The following DAB1 variants were observed in gnomAD, a reference collection of about 807,000 sequenced individuals.
The protein encoded by DAB1 is disabled homolog 1.
In DAB1, 15 loss-of-function variants were observed where a neutral mutation model predicts 64.6. The observed-to-expected ratio is 0.23, with a 90% CI of 0.16 to 0.36. The LOEUF is 0.36. Among genes scored for constraint, DAB1 ranks in the 10% least tolerant of loss-of-function variants. The probability of loss-of-function intolerance (pLI) is 1.00; values close to 1 mark genes in which losing one functional copy is unlikely to be tolerated. For missense variants in DAB1, 596 were observed against 706.7 expected, an observed-to-expected ratio of 0.84 and a Z score of 1.78; for synonymous variants, 235 against 251.9, an observed-to-expected ratio of 0.93 and a Z score of 0.64.
intron 9 of DAB1, among the ~76,000 whole-genome samples, chr1:57,043,729 C>T (rs896935610): frequency 9.9e-5 from 15 of 152,182 alleles, no homozygotes; most frequent in African/African-American, 3.1e-4. Context: ...TGCCTGTAGT[C>T]CCAGCTACTC....
At chr1:57,877,014 G>A (rs988394226) in intron 1 of DAB1, among the ~76,000 whole-genome samples, 4 of 151,982 alleles carry the variant, frequency 2.6e-5, no homozygotes, top group Admixed American at 2.0e-4. Context: ...TGGTGGGAAG[G>A]GTCTAGGTGT....
At chr1:57,753,734 A>G (rs1190281875) in intron 6 of DAB1, among the ~76,000 whole-genome samples, 3 of 152,302 alleles carry the variant, frequency 2.0e-5, no homozygotes, top group Middle Eastern at 3.4e-3. Flanking sequence ...AGAAGATATA[A>G]TTACTCTTCT....
intron 4 of DAB1, among the ~76,000 whole-genome samples, chr1:58,219,025 C>CTCTGTGTGTG (rs376130413): frequency 3.9e-4 from 51 of 129,470 alleles, no homozygotes; most frequent in African/African-American, 1.5e-3. Flanking sequence ...CTCTCTCTCT[C>CTCTGTGTGTG]TGTGTGTGTG....
Position 57,989,452 on chromosome 1 carries a change from A to G in DAB1, n.388-105290T>C, listed in dbSNP as rs562370088. 5.1e-4 allele frequency among the ~76,000 whole-genome samples: 78 copies of G among 152,308 alleles called. 1 individual carries two copies. In the South Asian group the frequency reaches 9.9e-3, roughly 19 times the overall value. ...CTCTGTCCTTGGCCACACAGTTTAA[A>G]GAATGAAGCCAGGACTACATGCCAA... On this transcript the variant is annotated intron_variant and non_coding_transcript_variant, in intron 5 of 20. Coordinates refer to the DAB1 transcript ENST00000485760.
intron 6 of DAB1, among the ~76,000 whole-genome samples, chr1:57,692,802 C>T (rs553388132): frequency 6.6e-6 from 1 of 152,176 alleles, no homozygotes; most frequent in Non-Finnish European, 1.5e-5. Context: ...AAGGAGGACT[C>T]TGCACCTTCT....
At chr1:57,760,987 T>TCATTTGG (rs1192112282) in intron 6 of DAB1, among the ~76,000 whole-genome samples, 1 of 152,112 alleles carries the variant, frequency 6.6e-6, no homozygotes, top group Non-Finnish European at 1.5e-5. Flanking sequence ...ATGACATGAG[T>TCATTTGG]ATAAGGAGGG....
chr1:58,221,445 A>C (rs1659166114), intron 4 of DAB1, among the ~76,000 whole-genome samples: 1 of 152,212 alleles, frequency 6.6e-6, no homozygotes, highest in South Asian at 2.1e-4. Flanking sequence ...GTCTGAAAGA[A>C]CAGTCACTGG....
Position 57,136,716 on chromosome 1 carries a change from C to A in DAB1, c.208-75G>T, listed in dbSNP as rs148832245. 564 of 902,186 alleles carry A rather than the reference C, an allele frequency of 6.3e-4. 2 individuals are homozygous for A. In the African/African-American group the frequency reaches 8.6e-3, roughly 14 times the overall value. The allele number at this position is 902,186 out of a possible 1,614,324, so 55.9% of individuals were successfully genotyped here. On this transcript the variant is annotated intron_variant, in intron 3 of 14. Coordinates refer to ENST00000371236, the MANE Select transcript of DAB1 (RefSeq NM_001365792.1). ...TTCTCTCTGGTCCCAAAGGTATGTC[C>A]GATACCATCAACCAATGCCACCAAT...
chr1:57,359,616 A>C (rs1163710205), intron 1 of DAB1, among the ~76,000 whole-genome samples: 1 of 152,024 alleles, frequency 6.6e-6, no homozygotes, highest in Non-Finnish European at 1.5e-5. Context: ...TGAAATCAGT[A>C]TGTTGAAGAG....
intron 6 of DAB1, among the ~76,000 whole-genome samples, chr1:57,686,673 C>T (rs921845074): frequency 6.6e-6 from 1 of 152,120 alleles, no homozygotes; most frequent in African/African-American, 2.4e-5. Flanking sequence ...TAGCAAACTG[C>T]ATCCAGCAGC....
intron 3 of DAB1, among the ~76,000 whole-genome samples, chr1:58,348,700 A>AT (rs1211797314): frequency 2.0e-5 from 3 of 152,136 alleles, no homozygotes; most frequent in Non-Finnish European, 4.4e-5. Flanking sequence ...TAATTATGTG[A>AT]TTTTATACTG....
chr1:57,116,501 G>A (rs1388124848), intron 4 of DAB1, among the ~76,000 whole-genome samples: 1 of 148,272 alleles, frequency 6.7e-6, no homozygotes, highest in Non-Finnish European at 1.5e-5. Context: ...AGCAGGTTGG[G>A]AGAAGCTATC....
At chr1:58,238,394 C>T (rs753615196) in intron 4 of DAB1, among the ~76,000 whole-genome samples, 1 of 152,118 alleles carries the variant, frequency 6.6e-6, no homozygotes, top group Non-Finnish European at 1.5e-5. Context: ...GAAGGGACAG[C>T]AGGTACAGAG....
chr1:57,316,132 C>T (rs934164850), intron 1 of DAB1, among the ~76,000 whole-genome samples: 4 of 152,118 alleles, frequency 2.6e-5, no homozygotes, highest in Non-Finnish European at 4.4e-5. Flanking sequence ...ATCTATAAGG[C>T]AGAGGAAATA....
At chr1:58,060,529 T>C (rs1648427135) in intron 5 of DAB1, among the ~76,000 whole-genome samples, 1 of 152,078 alleles carries the variant, frequency 6.6e-6, no homozygotes, top group Non-Finnish European at 1.5e-5. Context: ...CCTCACAGGG[T>C]AGATAAGTGG....
chr1:57,039,090 C>T (rs1033975536), intron 9 of DAB1, among the ~76,000 whole-genome samples: 2 of 152,174 alleles, frequency 1.3e-5, no homozygotes, highest in African/African-American at 4.8e-5. Flanking sequence ...TCAGGAGAGG[C>T]AGAGTGAGGG....
At chr1:57,118,924 C>T (rs1656392940) in intron 4 of DAB1, among the ~76,000 whole-genome samples, 1 of 152,108 alleles carries the variant, frequency 6.6e-6, no homozygotes, top group Non-Finnish European at 1.5e-5. Flanking sequence ...GATGATAGAA[C>T]AGCAGTATAG....
intron 7 of DAB1, among the ~76,000 whole-genome samples, chr1:57,635,153 T>C (rs984681247): frequency 6.6e-6 from 1 of 152,140 alleles, no homozygotes; most frequent in Non-Finnish European, 1.5e-5. Context: ...GAAATGTGTC[T>C]CCCCAAATTC....
At chr1:57,690,205 G>C (rs1189097216) in intron 6 of DAB1, among the ~76,000 whole-genome samples, 2 of 152,156 alleles carry the variant, frequency 1.3e-5, no homozygotes, top group Admixed American at 1.3e-4. Context: ...TGTGAACAGG[G>C]CTGCAACAAG....
Sources: gnomAD v4.1 joint callset for allele counts (sites outside exome capture counted in the v4.1 genomes callset) on GRCh38, gnomAD v4.1.1 for gene constraint, MANE v1.5 for transcripts, NCBI Gene and HGNC (gene_info 2026-07-23, HGNC 2026-07-21) for gene names.